Variants in GLIS3 observed in about 807,000 individuals in gnomAD.
The protein encoded by GLIS3 is GLIS family zinc finger 3, also known as zinc finger protein GLIS3.
A neutral mutation model predicts 78.6 loss-of-function variants in GLIS3; 53 were observed. The ratio of observed to expected loss-of-function variants is 0.67; its 90% CI spans 0.54 to 0.85. The LOEUF (loss-of-function observed/expected upper bound fraction) is 0.85, where lower values mean the gene tolerates loss of function less well. GLIS3 is among the 40% of genes least tolerant of loss of function. The pLI, the probability that GLIS3 is intolerant of heterozygous loss-of-function variation, is 0.00. For missense variants in GLIS3, 1,703 were observed against 1,231.1 expected (o/e 1.38, Z -5.74); for synonymous variants, 684 against 509.9 (o/e 1.34, Z -4.60).
Position 4,034,294 on chromosome 9 carries a change from TAGAAAC to T in GLIS3, c.1710+83468_1710+83473del, listed in dbSNP as rs1249657448. On this transcript the variant is annotated intron_variant, in intron 4 of 10. Transcript: ENST00000381971. The stretch of plus-strand genomic sequence containing the variant: ...GGCATAATACCAACAGAAAACAAGT[TAGAAAC>T]AGAAAAAAAAGTCTGTTTCTATAAT... Among the ~76,000 whole-genome samples, 44 of 152,072 alleles carry T rather than the reference TAGAAAC, an allele frequency of 2.9e-4. 1 individual carries two copies. Among genetic ancestry groups the T allele is most frequent in the African/African-American group, 9.4e-4 (39 of 41,398 alleles).
chr9:4,249,127 C>T (rs1249676731), intron 2 of GLIS3, among the ~76,000 whole-genome samples: 4 of 152,030 alleles, frequency 2.6e-5, no homozygotes, highest in Non-Finnish European at 5.9e-5. Flanking sequence ...TTTTTGGTTC[C>T]ATATGAAATT....
chr9:4,350,110 G>C (rs1431782197), upstream of GLIS3, among the ~76,000 whole-genome samples: 2 of 152,178 alleles, frequency 1.3e-5, no homozygotes, highest in African/African-American at 4.8e-5. Flanking sequence ...TAGTGAGAAG[G>C]GATCAGGCAT....
At chr9:4,391,951 G>C in the GLIS3 span, among the ~76,000 whole-genome samples, 1 of 152,156 alleles carries the variant, frequency 6.6e-6, no homozygotes, top group Admixed American at 6.5e-5. Context: ...ATATGCATGC[G>C]TATGTTCATT....
At chr9:3,944,769 C>T (rs1816177908) in intron 4 of GLIS3, among the ~76,000 whole-genome samples, 1 of 152,238 alleles carries the variant, frequency 6.6e-6, no homozygotes, top group Non-Finnish European at 1.5e-5. Flanking sequence ...GTTGGTAGAA[C>T]TGAATACCAC....
chr9:3,857,161 A>G (rs1369653868), intron 8 of GLIS3, among the ~76,000 whole-genome samples: 2 of 152,228 alleles, frequency 1.3e-5, no homozygotes, highest in Non-Finnish European at 2.9e-5. Context: ...AAGTCTGTCA[A>G]TGCAGTAAAA....
intron 4 of GLIS3, chr9:4,305,900 T>TAAGTAA (rs1817216642): frequency 6.6e-6 from 1 of 152,196 alleles, no homozygotes. Flanking sequence ...ATTTTTTCAT[T>TAAGTAA]TGTACAAGTC....
intron 2 of GLIS3, among the ~76,000 whole-genome samples, chr9:4,145,526 C>G (rs879619293): frequency 1.3e-5 from 2 of 152,164 alleles, no homozygotes; most frequent in African/African-American, 4.8e-5. Flanking sequence ...GATATCGCAA[C>G]ACACAGTTCT....
At chr9:4,446,859 C>T in the GLIS3 span, among the ~76,000 whole-genome samples, 2 of 151,922 alleles carry the variant, frequency 1.3e-5, no homozygotes, top group African/African-American at 2.4e-5. Context: ...GTGACCTCTG[C>T]TTCCTTCTTT....
chr9:4,486,169 G>C, the GLIS3 span, among the ~76,000 whole-genome samples: 3 of 152,170 alleles, frequency 2.0e-5, no homozygotes, highest in African/African-American at 4.8e-5. Context: ...TTTAGGTGTT[G>C]TTGGGCTCAG....
chr9:4,157,859 C>T (rs777153002), intron 2 of GLIS3, among the ~76,000 whole-genome samples: 4 of 152,168 alleles, frequency 2.6e-5, no homozygotes, highest in Non-Finnish European at 5.9e-5. Context: ...TTAGCTATTG[C>T]TTTCATGGTT....
chr9:3,840,898 G>A lies in GLIS3; in HGVS notation c.2474-11406C>T, dbSNP rs1287170054. On this transcript the variant is annotated intron_variant, in intron 9 of 10. Transcript: ENST00000381971. ...TCTGGTCTGTAGCAAGCTGGAAACA[G>A]CATTTATCACTGTGAACCACATTTT... is the stretch of plus-strand genomic sequence containing the variant. 3.3e-5 allele frequency among the ~76,000 whole-genome samples: 5 copies of A among 152,186 alleles called. No individual in the cohort carries two copies. The East Asian group carries it at 9.6e-4, about 29-fold the overall frequency.
chr9:4,195,989 T>C (rs1205262099), intron 2 of GLIS3, among the ~76,000 whole-genome samples: 1 of 151,656 alleles, frequency 6.6e-6, no homozygotes, highest in African/African-American at 2.4e-5. Flanking sequence ...GGTTTGTAAA[T>C]GCACCTATCA....
Position 3,937,030 on chromosome 9 carries a change from T to C in GLIS3, c.1870A>G (p.Thr624Ala), listed in dbSNP as rs1428036926. The C allele has an allele frequency of 2.5e-6, 4 of 1,612,466 alleles. No homozygotes were observed. The South Asian group carries it at 3.3e-5, about 13-fold the overall frequency. The change falls in exon 5 of 11, where the codon ACC becomes GCC. Residue 624 changes from threonine to alanine, a missense_variant and splice_region_variant. Transcript: ENST00000381971. ...TGGAAAGCTCCTGCCATTCTTACGG[T>C]GTCCAGATGCGTCCGCTGGTGTTTG... ...RAKHQRTHLD[T>A]KPYACQIPGC...
intron 2 of GLIS3, among the ~76,000 whole-genome samples, chr9:4,261,244 A>G (rs928952095): frequency 1.3e-5 from 2 of 152,216 alleles, no homozygotes; most frequent in Non-Finnish European, 2.9e-5. Context: ...ACTCAGGTGC[A>G]GAATAAACGC....
At chr9:4,202,445 A>G (rs921908025) in intron 2 of GLIS3, among the ~76,000 whole-genome samples, 5 of 125,900 alleles carry the variant, frequency 4.0e-5, no homozygotes, top group Non-Finnish European at 5.3e-5. Context: ...ATAAAATAAA[A>G]TAAAATAAAA....
intron 8 of GLIS3, among the ~76,000 whole-genome samples, chr9:3,866,011 A>C (rs970092430): frequency 6.6e-6 from 1 of 152,182 alleles, no homozygotes; most frequent in Non-Finnish European, 1.5e-5. Flanking sequence ...CTGTCTTCCC[A>C]TGAAGTGGTC....
chr9:4,023,736 A>T (rs545228645), intron 4 of GLIS3, among the ~76,000 whole-genome samples: 1 of 152,354 alleles, frequency 6.6e-6, no homozygotes, highest in African/African-American at 2.4e-5. Flanking sequence ...TAGCAGCTCT[A>T]GGTTTGCTCC....
chr9:4,370,300 G>A, the GLIS3 span, among the ~76,000 whole-genome samples: 96 of 151,978 alleles, frequency 6.3e-4, no homozygotes, highest in Middle Eastern at 3.4e-3. Context: ...GTCTTCAGAT[G>A]AGTGAGCAGC....
At position 4,296,955 on chromosome 9, in the gene GLIS3, A is replaced by G. The variant is rs550836883; in HGVS notation, c.-99+2466T>C. On this transcript the variant is annotated intron_variant, in intron 1 of 10. Coordinates refer to ENST00000381971, the MANE Select transcript of GLIS3 (RefSeq NM_001042413.2). Reference sequence around the variant, plus strand: ...CATATAATCTAACACTCTCCTGTCTAAATTGCTTCAAACTTTCTCAGAACG... The same window carrying G: ...CATATAATCTAACACTCTCCTGTCTGAATTGCTTCAAACTTTCTCAGAACG... Among the ~76,000 whole-genome samples, 10 of 150,462 alleles carry G rather than the reference A, an allele frequency of 6.6e-5. No individual in the cohort carries two copies. In the South Asian group the frequency reaches 1.9e-3, roughly 28 times the overall value.
Sources: gnomAD v4.1 joint callset for allele counts (sites outside exome capture counted in the v4.1 genomes callset) on GRCh38, gnomAD v4.1.1 for gene constraint, MANE v1.5 for transcripts, NCBI Gene and HGNC (gene_info 2026-07-23, HGNC 2026-07-21) for gene names.